The following ARHGEF33 variants were observed in gnomAD, a reference collection of about 807,000 sequenced individuals.
The protein encoded by ARHGEF33 is Rho guanine nucleotide exchange factor 33.
Under a neutral mutation model 101.9 loss-of-function variants are expected in ARHGEF33, and 72 were observed. The observed-to-expected ratio is 0.71, with a 90% CI of 0.58 to 0.86. The LOEUF (loss-of-function observed/expected upper bound fraction) is 0.86. Among genes scored for constraint, ARHGEF33 ranks in the 40% least tolerant of loss-of-function variants. ARHGEF33 has a pLI of 0.00. For synonymous variants in ARHGEF33, 499 were observed against 442.5 expected, an observed-to-expected ratio of 1.13 and a Z score of -1.60; for missense variants, 1,169 against 1,111.3, an observed-to-expected ratio of 1.05 and a Z score of -0.74.
At chr2:38,948,702 C>T (rs1667513599) in intron 10 of ARHGEF33, among the ~76,000 whole-genome samples, 1 of 152,152 alleles carries the variant, frequency 6.6e-6, no homozygotes, top group South Asian at 2.1e-4. Flanking sequence ...CCATGGTGCC[C>T]TAATATCTTC....
chr2:38,945,329 G>A lies in ARHGEF33; in HGVS notation c.920+1299G>A, dbSNP rs547258929. ...ACGCTGCCCTCCTACCTAAATGACC[G>A]AGTGAGGCACTACTCCCTGACAAAC... is the stretch of plus-strand genomic sequence containing the variant. On this transcript the variant is annotated intron_variant, in intron 10 of 17. Transcript: ENST00000409978. 9.9e-4 allele frequency among the ~76,000 whole-genome samples: 150 copies of A among 152,238 alleles called. 1 individual carries two copies. Among genetic ancestry groups the A allele is most frequent in the African/African-American group, 3.2e-3 (131 of 41,538 alleles).
chr2:38,931,223 C>T lies in ARHGEF33; in HGVS notation c.477C>T (p.Asn159=), dbSNP rs943979841. Residue 159 remains asparagine (N), a synonymous_variant, in exon 7 of 18, where the codon AAC becomes AAT. Transcript: ENST00000409978. ...EPVLPSEDFT[N]LLPSQAYEKA... Reference sequence around the variant, plus strand: ...TTCTTCCAAGCGAAGACTTTACCAACCTTTTGCCTTCTCAGGCCTACGAGA... The same window carrying T: ...TTCTTCCAAGCGAAGACTTTACCAATCTTTTGCCTTCTCAGGCCTACGAGA... 1.9e-6 allele frequency: 3 copies of T among 1,550,466 alleles called. No individual in the cohort carries two copies. The highest frequency in any genetic ancestry group is 2.6e-6 in the Non-Finnish European group (3 of 1,146,632).
rs542922900 is a variant in ARHGEF33 at position 38,909,330 on chromosome 2, A to T, written c.-85-10033A>T. 2.3e-3 allele frequency among the ~76,000 whole-genome samples: 344 copies of T among 149,544 alleles called. 1 individual carries two copies. The highest frequency in any genetic ancestry group is 7.4e-3 in the African/African-American group (301 of 40,804). ...TCTTTTATTTATTTCATTAAAAAAA[A>T]TTTTTTTTTTAGACCAGGTCTCACT... On this transcript the variant is annotated intron_variant, in intron 2 of 17. Coordinates refer to ENST00000409978, the MANE Select transcript of ARHGEF33 (RefSeq NM_001145451.5).
chr2:38,963,319 CACCCA>C (rs2124427684), intron 16 of ARHGEF33, among the ~76,000 whole-genome samples: 1 of 152,284 alleles, frequency 6.6e-6, no homozygotes, highest in Non-Finnish European at 1.5e-5. Flanking sequence ...GTATATCTTT[CACCCA>C]GCCCAGCAGA....
At position 38,960,648 on chromosome 2, in the gene ARHGEF33, G is replaced by A. The variant is rs1558444809; in HGVS notation, c.2343G>A (p.Arg781=). ...AACAGACCTATTTGGAAGTAAGGAG[G>A]GTAAAGTAAAACCGAACCGAAACCC... ...SEKQTYLEVR[R]EMHLEDTTRF... is the part of the protein sequence containing the mutation. Residue 781 remains arginine (R), a splice_region_variant and synonymous_variant, in exon 16 of 18, where the codon AGG becomes AGA. Transcript: ENST00000409978. The A allele has an allele frequency of 2.1e-6, 3 of 1,419,294 alleles. No individual in the cohort carries two copies. The highest frequency in any genetic ancestry group is 3.0e-5 in the African/African-American group (2 of 66,040). 87.9% of individuals were successfully genotyped at this position (1,419,294 alleles called of 1,614,324 possible).
chr2:38,954,091 C>T (rs562758094), intron 12 of ARHGEF33, among the ~76,000 whole-genome samples: 50 of 152,248 alleles, frequency 3.3e-4, no homozygotes, highest in Non-Finnish European at 5.7e-4. Flanking sequence ...ATTGAGTGCC[C>T]GCTTCTGTCT....
Position 38,928,955 on chromosome 2 carries a change from C to T in ARHGEF33, c.124C>T (p.Gln42Ter). Reference sequence around the variant, plus strand: ...CAAAACTGGTTTCACAGAAGCAATGCAAGAACTGTCAAGAATTCAACATGG... The same window carrying T: ...CAAAACTGGTTTCACAGAAGCAATGTAAGAACTGTCAAGAATTCAACATGG... ...ELKTGFTEAM[Q>*]ELSRIQHGEY... Residue 42 changes from glutamine (Q) to a stop codon, truncating the protein, a stop_gained, in exon 5 of 18, where the codon CAA becomes TAA. Coordinates refer to ENST00000409978, the MANE Select transcript of ARHGEF33 (RefSeq NM_001145451.5). LOFTEE classifies it high-confidence loss of function. The T allele has an allele frequency of 6.4e-7, 1 of 1,551,236 alleles. No homozygotes were observed. The highest frequency in any genetic ancestry group is 8.7e-7 in the Non-Finnish European group (1 of 1,146,672).
In ARHGEF33 at chr2:38,953,197, G is replaced by T. The variant is rs1381213441; in HGVS notation, c.1089G>T (p.Arg363Ser). ...TGGATTATTATGTTGCCTACCTAAGGGACCTGCCTGAGTGCATCTCATTGG... is the reference window on the plus strand; with the variant it reads ...TGGATTATTATGTTGCCTACCTAAGTGACCTGCCTGAGTGCATCTCATTGG... ...NFLDYYVAYLRDLPECISLVH... is the reference protein window; with the variant it reads ...NFLDYYVAYLSDLPECISLVH... The change falls in exon 12 of 18, where the codon AGG becomes AGT. Residue 363 changes from arginine to serine, a missense_variant. Physicochemically the swap from Arg to Ser is moderately radical, Grantham distance 110. Coordinates refer to ENST00000409978, the MANE Select transcript of ARHGEF33 (RefSeq NM_001145451.5). 72 of 1,543,820 alleles carry T rather than the reference G, an allele frequency of 4.7e-5. No individual in the cohort carries two copies. The highest frequency in any genetic ancestry group is 6.3e-5 in the Non-Finnish European group (72 of 1,139,618).
intron 9 of ARHGEF33, among the ~76,000 whole-genome samples, chr2:38,938,696 T>A (rs962452329): frequency 6.6e-6 from 1 of 152,210 alleles, no homozygotes; most frequent in Non-Finnish European, 1.5e-5. Flanking sequence ...ACAATATTTC[T>A]GTGCATGAAA....
intron 17 of ARHGEF33, among the ~76,000 whole-genome samples, chr2:38,966,491 TGGGGTTG>T (rs1668054262): frequency 6.6e-6 from 1 of 152,114 alleles, no homozygotes; most frequent in Non-Finnish European, 1.5e-5. Context: ...GATCCACTAT[TGGGGTTG>T]GGTGTCATGG....
chr2:38,901,290 T>C (rs1666231952), intron 2 of ARHGEF33, among the ~76,000 whole-genome samples: 2 of 152,234 alleles, frequency 1.3e-5, no homozygotes, highest in African/African-American at 2.4e-5. Context: ...GGGGATGTTT[T>C]AGCACCTCTG....
intron 8 of ARHGEF33, among the ~76,000 whole-genome samples, chr2:38,936,180 G>A (rs1190116194): frequency 1.3e-5 from 2 of 152,124 alleles, no homozygotes; most frequent in Non-Finnish European, 2.9e-5. Context: ...TAATTCAAAA[G>A]TTACCTACTT....
At chr2:38,971,076 G>C (rs1668155797) in intron 17 of ARHGEF33, among the ~76,000 whole-genome samples, 1 of 152,170 alleles carries the variant, frequency 6.6e-6, no homozygotes, top group African/African-American at 2.4e-5. Context: ...TTTACTTCTT[G>C]AGACAGATGC....
intron 1 of ARHGEF33, among the ~76,000 whole-genome samples, chr2:38,890,566 A>C (rs1346427426): frequency 2.0e-5 from 3 of 152,212 alleles, no homozygotes; most frequent in Non-Finnish European, 4.4e-5. Context: ...TTTGGTGTGT[A>C]ATGAGAAGAA....
chr2:38,890,620 A>G (rs141670425), intron 1 of ARHGEF33, among the ~76,000 whole-genome samples: 37 of 152,352 alleles, frequency 2.4e-4, no homozygotes, highest in African/African-American at 7.5e-4. Context: ...ATAGCGTTCT[A>G]TTATAATTAG....
chr2:38,965,685 C>T (rs1668036766), intron 16 of ARHGEF33, among the ~76,000 whole-genome samples: 1 of 152,176 alleles, frequency 6.6e-6, no homozygotes, highest in South Asian at 2.1e-4. Context: ...TCGTGGAGGA[C>T]GTTCTTGCAG....
chr2:38,911,119 C>T (rs1342319858), intron 2 of ARHGEF33, among the ~76,000 whole-genome samples: 3 of 151,866 alleles, frequency 2.0e-5, no homozygotes, highest in Admixed American at 6.6e-5. Context: ...GTTACTGTCA[C>T]AAAATAATGT....
At chr2:38,948,069 C>G (rs1320298788) in intron 10 of ARHGEF33, among the ~76,000 whole-genome samples, 2 of 151,166 alleles carry the variant, frequency 1.3e-5, no homozygotes, top group Non-Finnish European at 2.9e-5. Context: ...CTAATGTTGC[C>G]AAAATTTCAT....
At position 38,960,807 on chromosome 2, in the gene ARHGEF33, G is replaced by A. The variant is rs557887862; in HGVS notation, c.2343+159G>A. Among the ~76,000 whole-genome samples, 10 of 152,174 alleles carry A rather than the reference G, an allele frequency of 6.6e-5. 2 individuals carry two copies. The South Asian group carries it at 2.1e-3, about 32-fold the overall frequency. On this transcript the variant is annotated intron_variant, in intron 16 of 17. Coordinates refer to ENST00000409978, the MANE Select transcript of ARHGEF33 (RefSeq NM_001145451.5). ...GCGGGTGGAGGCGGAGGGAGAGCAG[G>A]GGCAGCCCCCGCGCCCTGCGAGCTG...
Sources: gnomAD v4.1 joint callset for allele counts (sites outside exome capture counted in the v4.1 genomes callset) on GRCh38, gnomAD v4.1.1 for gene constraint, MANE v1.5 for transcripts, NCBI Gene and HGNC (gene_info 2026-07-23, HGNC 2026-07-21) for gene names.